SPATA31H1: variants seen among roughly 807,000 people sequenced by gnomAD.
SPATA31H1 encodes SPATA31 subfamily H member 1.
At chr2:27,539,981 T>A in the SPATA31H1 span, among the ~76,000 whole-genome samples, 1 of 119,306 alleles carries the variant, frequency 8.4e-6, no homozygotes, top group Non-Finnish European at 1.7e-5. Context: ...TCCCCCCACC[T>A]CCCTCCCGGA....
the SPATA31H1 span, chr2:27,580,617 T>C: frequency 6.2e-7 from 1 of 1,614,052 alleles, no homozygotes; most frequent in Non-Finnish European, 8.5e-7. Context: ...CCAACCCAAG[T>C]TCATGCAACT....
the SPATA31H1 span, among the ~76,000 whole-genome samples, chr2:27,554,899 C>T: frequency 1.3e-5 from 2 of 151,878 alleles, no homozygotes; most frequent in Non-Finnish European, 2.9e-5. Context: ...TGTAAGGACA[C>T]TAATCCCATT....
the SPATA31H1 span, chr2:27,566,384 G>A: frequency 2.8e-6 from 2 of 717,254 alleles, no homozygotes; most frequent in Non-Finnish European, 5.2e-6. Flanking sequence ...GAAAGCGCAA[G>A]GTCAGGCAAT....
the SPATA31H1 span, chr2:27,582,271 G>C: frequency 1.2e-6 from 2 of 1,614,138 alleles, no homozygotes; most frequent in Non-Finnish European, 1.7e-6. Context: ...TCTGAGAGGA[G>C]CCATCGCAGT....
chr2:27,538,747 C>T, the SPATA31H1 span, among the ~76,000 whole-genome samples: 1 of 152,014 alleles, frequency 6.6e-6, no homozygotes, highest in Non-Finnish European at 1.5e-5. Flanking sequence ...AGGGGAAACA[C>T]TTGAACCTGG....
chr2:27,556,284 CT>C, the SPATA31H1 span, among the ~76,000 whole-genome samples: 3,672 of 141,694 alleles, frequency 0.026, 102 homozygotes, highest in African/African-American at 0.06. Flanking sequence ...TTGGAAAGCC[CT>C]TTTTTTTTTT....
the SPATA31H1 span, chr2:27,582,236 C>T: frequency 6.2e-7 from 1 of 1,614,172 alleles, no homozygotes; most frequent in South Asian, 1.1e-5. Flanking sequence ...ATCGCAGTCC[C>T]TCCGGGATGA....
the SPATA31H1 span, chr2:27,581,107 C>G: frequency 8.1e-6 from 13 of 1,614,104 alleles, no homozygotes; most frequent in South Asian, 8.8e-5. Flanking sequence ...AGAGTTCAGG[C>G]CCGAGGAAGA....
At chr2:27,538,796 A>C in the SPATA31H1 span, among the ~76,000 whole-genome samples, 2 of 151,756 alleles carry the variant, frequency 1.3e-5, no homozygotes, top group Non-Finnish European at 1.5e-5. Context: ...ACGCCATTGC[A>C]CTCCAGCCTG....
chr2:27,549,745 G>T, the SPATA31H1 span, among the ~76,000 whole-genome samples: 6 of 151,856 alleles, frequency 4.0e-5, no homozygotes, highest in Admixed American at 3.3e-4. Context: ...GGAGGCGAAG[G>T]TTGCAGTGAG....
chr2:27,579,776 G>A, the SPATA31H1 span: 14 of 1,614,162 alleles, frequency 8.7e-6, no homozygotes, highest in Non-Finnish European at 8.5e-6. Flanking sequence ...ACTCCCTCAA[G>A]CCAAATTATC....
the SPATA31H1 span, among the ~76,000 whole-genome samples, chr2:27,559,523 C>A: frequency 6.6e-6 from 1 of 152,068 alleles, no homozygotes; most frequent in African/African-American, 2.4e-5. Flanking sequence ...CATATTTTGT[C>A]CAACTTTTCT....
At chr2:27,540,609 G>GT in the SPATA31H1 span, among the ~76,000 whole-genome samples, 1 of 142,342 alleles carries the variant, frequency 7.0e-6, no homozygotes, top group African/African-American at 2.7e-5. Flanking sequence ...GCTGCCGGAC[G>GT]GAGGGGCTCC....
the SPATA31H1 span, among the ~76,000 whole-genome samples, chr2:27,549,761 A>C: frequency 6.6e-6 from 1 of 151,954 alleles, no homozygotes; most frequent in Non-Finnish European, 1.5e-5. Flanking sequence ...GTGAGCTAAG[A>C]TCACACCACT....
the SPATA31H1 span, chr2:27,576,026 G>T: frequency 5.0e-6 from 2 of 398,588 alleles, no homozygotes; most frequent in Non-Finnish European, 8.8e-6. Context: ...CAGGGTCAAA[G>T]CTTCTACGTG....
At chr2:27,543,465 A>T in the SPATA31H1 span, among the ~76,000 whole-genome samples, 1 of 145,366 alleles carries the variant, frequency 6.9e-6, no homozygotes, top group Non-Finnish European at 1.5e-5. Context: ...TTTCACATCA[A>T]TTGGGTATGA....
chr2:27,582,665 G>C, the SPATA31H1 span: 1 of 814,024 alleles, frequency 1.2e-6, no homozygotes, highest in Non-Finnish European at 1.9e-6. Context: ...TACCGGGGGG[G>C]AGGCGGGTGA....
At chr2:27,560,559 G>A in the SPATA31H1 span, among the ~76,000 whole-genome samples, 1 of 151,258 alleles carries the variant, frequency 6.6e-6, no homozygotes, top group Non-Finnish European at 1.5e-5. Flanking sequence ...CCGGGTTCAC[G>A]CCATTCTCCT....
chr2:27,580,217 A>G, the SPATA31H1 span: 1 of 1,614,180 alleles, frequency 6.2e-7, no homozygotes, highest in Non-Finnish European at 8.5e-7. Context: ...CTTCCACAAT[A>G]GATTTGCAGT....
Sources: gnomAD v4.1 joint callset for allele counts (sites outside exome capture counted in the v4.1 genomes callset) on GRCh38, gnomAD v4.1.1 for gene constraint, MANE v1.5 for transcripts, NCBI Gene and HGNC (gene_info 2026-07-23, HGNC 2026-07-21) for gene names.